MYO3B: variants seen among roughly 807,000 people sequenced by gnomAD.
MYO3B encodes the protein myosin IIIB, also known as myosin-IIIb.
In MYO3B, 156 loss-of-function variants were observed where a neutral mutation model predicts 174.6. The ratio of observed to expected loss-of-function variants is 0.89; its 90% CI spans 0.78 to 1.02. The LOEUF is 1.02. MYO3B is among the 50% of genes least tolerant of loss of function. The pLI is 0.00. For synonymous variants in MYO3B, 563 were observed against 569.1 expected (o/e 0.99, Z 0.15); for missense variants, 1,632 against 1,639.4 (o/e 1.00, Z 0.08).
At chr2:170,440,356 A>G (rs1283473291) in intron 22 of MYO3B, among the ~76,000 whole-genome samples, 1 of 152,220 alleles carries the variant, frequency 6.6e-6, no homozygotes, top group Non-Finnish European at 1.5e-5. Flanking sequence ...CTGAATCTGT[A>G]GAATGCTTGG....
intron 7 of MYO3B, among the ~76,000 whole-genome samples, chr2:170,326,390 A>G (rs895172903): frequency 1.3e-5 from 2 of 152,234 alleles, no homozygotes; most frequent in Non-Finnish European, 2.9e-5. Flanking sequence ...TTTCCACTCT[A>G]TATGTGAAGG....
At position 170,628,555 on chromosome 2, in the gene MYO3B, G is replaced by A. The variant is rs571890338; in HGVS notation, c.3734-23073G>A. On this transcript the variant is annotated intron_variant, in intron 32 of 34. Transcript: ENST00000408978. The stretch of plus-strand genomic sequence containing the variant: ...GCTCAGTGCGCTGCACCCACCGTCC[G>A]ACAAGCCCCTGTGAGATGAACCCGG... 7.9e-5 allele frequency among the ~76,000 whole-genome samples: 12 copies of A among 152,286 alleles called. No individual in the cohort carries two copies. In the South Asian group the frequency reaches 1.5e-3, roughly 18 times the overall value.
chr2:170,293,356 G>T (rs2093608416), intron 7 of MYO3B, among the ~76,000 whole-genome samples: 1 of 152,022 alleles, frequency 6.6e-6, no homozygotes. Context: ...ATTTTTGCTT[G>T]TTCTAATGTT....
intron 32 of MYO3B, among the ~76,000 whole-genome samples, chr2:170,592,916 A>G (rs1693905016): frequency 6.6e-6 from 1 of 152,080 alleles, no homozygotes; most frequent in Non-Finnish European, 1.5e-5. Context: ...TGAGATAGAT[A>G]TATATAGATA....
chr2:170,524,330 C>G (rs1011812477), intron 30 of MYO3B, among the ~76,000 whole-genome samples: 1 of 152,108 alleles, frequency 6.6e-6, no homozygotes, highest in South Asian at 2.1e-4. Context: ...CTACACCTGC[C>G]CCCCATCAGC....
intron 32 of MYO3B, among the ~76,000 whole-genome samples, chr2:170,578,648 A>G (rs1038953900): frequency 1.8e-4 from 27 of 152,246 alleles, no homozygotes; most frequent in African/African-American, 6.0e-4. Flanking sequence ...GTGTTAATGT[A>G]TTCACTGCAT....
rs527578618 is a variant in MYO3B, at chr2:170,466,162, T to C, written c.2809-344T>C. ...GCCCCTTCCTCAAAAGCTGGACATT[T>C]TAAATTACAGATACAGATTGTGGAA... On this transcript the variant is annotated intron_variant, in intron 24 of 34. Coordinates refer to ENST00000408978, the MANE Select transcript of MYO3B (RefSeq NM_138995.5). Among the ~76,000 whole-genome samples, 4 of 152,336 alleles carry C rather than the reference T, an allele frequency of 2.6e-5. No individual in the cohort carries two copies. The East Asian group carries it at 7.7e-4, about 29-fold the overall frequency.
intron 25 of MYO3B, among the ~76,000 whole-genome samples, chr2:170,469,408 C>T (rs967668181): frequency 1.3e-5 from 2 of 152,182 alleles, no homozygotes; most frequent in Admixed American, 6.5e-5. Context: ...CCTTCCCAGT[C>T]GAGCTCGCTG....
intron 32 of MYO3B, among the ~76,000 whole-genome samples, chr2:170,637,654 T>C (rs1000670708): frequency 1.3e-5 from 2 of 152,216 alleles, no homozygotes; most frequent in Non-Finnish European, 2.9e-5. Context: ...TCATATTGGA[T>C]TGTAAAACAA....
chr2:170,463,570 G>A, intron 24 of MYO3B, 125 bp downstream of exon 24: 1 of 832,018 alleles, frequency 1.2e-6, no homozygotes, highest in Non-Finnish European at 1.9e-6. Flanking sequence ...AGATTGGGTT[G>A]GGGAAGTGGT....
intron 22 of MYO3B, among the ~76,000 whole-genome samples, chr2:170,422,581 C>T (rs1185999161): frequency 1.3e-5 from 2 of 151,890 alleles, no homozygotes; most frequent in Non-Finnish European, 2.9e-5. Flanking sequence ...GCCTCTGCCT[C>T]CCAAGTGGCC....
intron 1 of MYO3B, among the ~76,000 whole-genome samples, chr2:170,192,262 T>C (rs1162313530): frequency 6.6e-6 from 1 of 151,292 alleles, no homozygotes; most frequent in Non-Finnish European, 1.5e-5. Flanking sequence ...ATTTCTTCCA[T>C]TATATGTCTA....
intron 32 of MYO3B, among the ~76,000 whole-genome samples, chr2:170,621,507 G>T (rs893086130): frequency 8.7e-5 from 12 of 138,596 alleles, no homozygotes; most frequent in South Asian, 4.9e-4. Context: ...ATGTTTTTTT[G>T]TTTTTTTGTT....
At position 170,392,062 on chromosome 2, in the gene MYO3B, G is replaced by A. The variant is rs142983270; in HGVS notation, c.1677-319G>A. 7.9e-3 allele frequency among the ~76,000 whole-genome samples: 1,178 copies of A among 149,272 alleles called. 13 individuals carry two copies. Among genetic ancestry groups the A allele is most frequent in the Middle Eastern group, 0.039 (11 of 284 alleles). ...TGCTTGAACCTGGGAGGTCGAGGCT[G>A]CAGTGAGCCAAGTTCGTGCCACTGC... On this transcript the variant is annotated intron_variant, in intron 15 of 34. Coordinates refer to ENST00000408978, the MANE Select transcript of MYO3B (RefSeq NM_138995.5).
intron 8 of MYO3B, among the ~76,000 whole-genome samples, chr2:170,337,609 C>A (rs193058661): frequency 1.3e-5 from 2 of 152,120 alleles, no homozygotes; most frequent in African/African-American, 4.8e-5. Context: ...AACAATGCAG[C>A]GGTTGGGGTG....
intron 7 of MYO3B, among the ~76,000 whole-genome samples, chr2:170,320,160 G>A (rs182673145): frequency 4.6e-5 from 7 of 150,960 alleles, no homozygotes; most frequent in East Asian, 2.0e-4. Context: ...GCCCTCCCCC[G>A]CCCCAAGTAG....
intron 32 of MYO3B, among the ~76,000 whole-genome samples, chr2:170,642,463 G>A: frequency 6.6e-6 from 1 of 152,120 alleles, no homozygotes; most frequent in Admixed American, 6.5e-5. Context: ...ATCTTAAAAA[G>A]CAGGATCTGA....
At chr2:170,212,243 CAAAAAA>C (rs57947187) in intron 3 of MYO3B, among the ~76,000 whole-genome samples, 2 of 127,968 alleles carry the variant, frequency 1.6e-5, no homozygotes, top group Admixed American at 7.6e-5. Context: ...AACTCCCTCT[CAAAAAA>C]AAAAAAAAAA....
At chr2:170,280,086 T>G (rs1385381219) in intron 7 of MYO3B, among the ~76,000 whole-genome samples, 1 of 152,174 alleles carries the variant, frequency 6.6e-6, no homozygotes, top group Non-Finnish European at 1.5e-5. Context: ...CCACCAACAG[T>G]GTATAAGTGT....
Sources: gnomAD v4.1 joint callset for allele counts (sites outside exome capture counted in the v4.1 genomes callset) on GRCh38, gnomAD v4.1.1 for gene constraint, MANE v1.5 for transcripts, NCBI Gene and HGNC (gene_info 2026-07-23, HGNC 2026-07-21) for gene names.